The following FHAD1 variants were observed in gnomAD, a reference collection of about 807,000 sequenced individuals.
FHAD1 encodes the protein forkhead associated phosphopeptide binding domain 1, also known as forkhead-associated domain-containing protein 1.
In FHAD1, 146 loss-of-function variants were observed where a neutral mutation model predicts 191.3. The observed-to-expected ratio is 0.76, with a 90% CI of 0.67 to 0.88. The LOEUF is 0.88. FHAD1 is among the 40% of genes least tolerant of loss of function. FHAD1 has a pLI of 0.00. For synonymous variants in FHAD1, 616 were observed against 672.3 expected, an observed-to-expected ratio of 0.92 and a Z score of 1.29; for missense variants, 1,635 against 1,785.8, an observed-to-expected ratio of 0.92 and a Z score of 1.52.
chr1:15,391,165 G>A, intron 32 of FHAD1, 45 bp from the exon 33 acceptor site: 1 of 1,110,918 alleles, frequency 9.0e-7, no homozygotes, highest in Non-Finnish European at 1.2e-6. Context: ...AAAAGGCAAA[G>A]AGGAATCTAA....
intron 3 of FHAD1, among the ~76,000 whole-genome samples, chr1:15,283,433 G>A (rs1310977959): frequency 2.6e-5 from 4 of 152,156 alleles, no homozygotes; most frequent in Non-Finnish European, 4.4e-5. Context: ...ACACACAGAC[G>A]CAGTAGGAAG....
At chr1:15,249,615 A>G (rs1295374608) in intron 1 of FHAD1, among the ~76,000 whole-genome samples, 3 of 152,200 alleles carry the variant, frequency 2.0e-5, no homozygotes, top group Non-Finnish European at 4.4e-5. Flanking sequence ...TTACAAACAT[A>G]AACTATCTGG....
chr1:15,322,961 T>C (rs926200621), intron 10 of FHAD1, among the ~76,000 whole-genome samples: 1 of 152,092 alleles, frequency 6.6e-6, no homozygotes, highest in South Asian at 2.1e-4. Context: ...GAAAGGCACT[T>C]CTTACATGGC....
At chr1:15,275,977 G>A (rs1312815168) in intron 3 of FHAD1, among the ~76,000 whole-genome samples, 1 of 152,136 alleles carries the variant, frequency 6.6e-6, no homozygotes, top group Non-Finnish European at 1.5e-5. Flanking sequence ...AGAGAGGGAC[G>A]TGACAGCCAT....
chr1:15,361,275 G>T (rs1411427044), intron 22 of FHAD1, among the ~76,000 whole-genome samples: 1 of 152,212 alleles, frequency 6.6e-6, no homozygotes, highest in East Asian at 1.9e-4. Context: ...GACATTTGGA[G>T]CAGGATCATT....
chr1:15,266,167 TG>T (rs1177290466), intron 2 of FHAD1, among the ~76,000 whole-genome samples: 1 of 152,024 alleles, frequency 6.6e-6, no homozygotes, highest in East Asian at 1.9e-4. Context: ...TGGAGTGTGG[TG>T]GTGCCATCAT....
At chr1:15,272,295 C>T in intron 2 of FHAD1, 28 bp from the exon 3 acceptor site, 2 of 1,539,568 alleles carry the variant, frequency 1.3e-6, no homozygotes, top group Non-Finnish European at 1.8e-6. Context: ...GTTTTCATGG[C>T]TACGACTGTC....
intron 31 of FHAD1, 22 bp from the exon 32 acceptor site, chr1:15,388,029 T>C (rs1217270608): frequency 7.8e-7 from 1 of 1,277,628 alleles, no homozygotes; most frequent in Non-Finnish European, 1.0e-6. Context: ...ACTCTCTTGC[T>C]AACCTGATAC....
downstream of FHAD1, among the ~76,000 whole-genome samples, chr1:15,400,791 C>T (rs1707091381): frequency 6.6e-6 from 1 of 152,238 alleles, no homozygotes; most frequent in Non-Finnish European, 1.5e-5. Context: ...GGACTAGGCT[C>T]GTTCACATGT....
chr1:15,243,062 C>T (rs1557891481), upstream of FHAD1, among the ~76,000 whole-genome samples: 1 of 152,138 alleles, frequency 6.6e-6, no homozygotes, highest in Non-Finnish European at 1.5e-5. Context: ...CACAGCAAAG[C>T]GCAAGGAACC....
intron 8 of FHAD1, among the ~76,000 whole-genome samples, chr1:15,313,798 G>T (rs558697560): frequency 6.6e-6 from 1 of 152,106 alleles, no homozygotes; most frequent in Non-Finnish European, 1.5e-5. Flanking sequence ...GGCCAGGCAC[G>T]GTGGCTAATG....
At chr1:15,253,150 G>C (rs1233686310) in intron 2 of FHAD1, among the ~76,000 whole-genome samples, 3 of 45,090 alleles carry the variant, frequency 6.7e-5, no homozygotes, top group Non-Finnish European at 1.4e-4. Context: ...CATAAGTGCT[G>C]TGTGTGTGTG....
At position 15,345,070 on chromosome 1, in the gene FHAD1, C is replaced by T; in HGVS notation, c.2131-13C>T. 2 of 1,543,702 alleles carry T rather than the reference C, an allele frequency of 1.3e-6. No individual in the cohort carries two copies. The highest frequency in any genetic ancestry group is 1.8e-6 in the Non-Finnish European group (2 of 1,139,666). On this transcript the variant is annotated splice_polypyrimidine_tract_variant and intron_variant, in intron 16 of 33. Coordinates refer to ENST00000688493, the MANE Select transcript of FHAD1 (RefSeq NM_001391957.1). ...GTAACCATGTCTGTTAAACAATGGTCATTGGTTTCCAGGCTTTGGAGGAGT... is the reference window on the plus strand; with the variant it reads ...GTAACCATGTCTGTTAAACAATGGTTATTGGTTTCCAGGCTTTGGAGGAGT...
intron 3 of FHAD1, among the ~76,000 whole-genome samples, chr1:15,278,806 C>T (rs1573915088): frequency 6.6e-6 from 1 of 152,156 alleles, no homozygotes; most frequent in Non-Finnish European, 1.5e-5. Flanking sequence ...TAAATATACA[C>T]ATACATGTAT....
chr1:15,367,480 C>T lies in FHAD1; in HGVS notation c.3172C>T (p.Gln1058Ter). 6.4e-7 allele frequency: 1 copy of T among 1,551,340 alleles called. No homozygotes were observed. The highest frequency in any genetic ancestry group is 8.7e-7 in the Non-Finnish European group (1 of 1,146,884). ...SDLRGELNEK[Q>*]KMELEQNVVL... is the part of the protein sequence containing the mutation. Reference sequence around the variant, plus strand: ...ACTCGCAGGGGAGCTAAACGAGAAGCAGAAGATGGAACTGGAGCAGAACGT... The same window carrying T: ...ACTCGCAGGGGAGCTAAACGAGAAGTAGAAGATGGAACTGGAGCAGAACGT... The change falls in exon 25 of 34, where the codon CAG becomes TAG. Residue 1058 changes from glutamine (Q) to a stop codon, truncating the protein, a stop_gained. Transcript: ENST00000688493. LOFTEE classifies it high-confidence loss of function.
chr1:15,280,683 A>C (rs187047714), intron 3 of FHAD1, among the ~76,000 whole-genome samples: 1 of 152,270 alleles, frequency 6.6e-6, no homozygotes, highest in Admixed American at 6.5e-5. Flanking sequence ...TTGATCATGC[A>C]TTGGTTCATT....
chr1:15,292,520 A>G (rs368374305), intron 4 of FHAD1, among the ~76,000 whole-genome samples: 1 of 152,140 alleles, frequency 6.6e-6, no homozygotes, highest in South Asian at 2.1e-4. Flanking sequence ...TTTTTAGTAG[A>G]GACGAGTTTT....
At chr1:15,364,611 AAAAAAT>A (rs1314841020) in intron 23 of FHAD1, among the ~76,000 whole-genome samples, 4 of 152,204 alleles carry the variant, frequency 2.6e-5, no homozygotes, top group African/African-American at 7.2e-5. Flanking sequence ...CTCCGTCTCA[AAAAAAT>A]AAAAATAAAT....
chr1:15,365,260 A>C (rs1000778835), intron 23 of FHAD1, among the ~76,000 whole-genome samples: 5 of 152,068 alleles, frequency 3.3e-5, no homozygotes, highest in African/African-American at 1.2e-4. Flanking sequence ...TATCAGTCTC[A>C]TGCAAGGCAT....
Sources: allele counts gnomAD v4.1 joint callset (sites outside exome capture counted in the v4.1 genomes callset), GRCh38; gene constraint gnomAD v4.1.1; transcripts MANE v1.5; gene names NCBI Gene and HGNC (gene_info 2026-07-23, HGNC 2026-07-21).